The following AATF variants were observed in gnomAD, a reference collection of about 807,000 sequenced individuals.
AATF encodes apoptosis antagonizing transcription factor.
In AATF, 48 loss-of-function variants were observed where a neutral mutation model predicts 63.7. The observed-to-expected ratio is 0.75, with a 90% CI of 0.60 to 0.96. The LOEUF is 0.96. Among genes scored for constraint, AATF ranks in the 40% least tolerant of loss-of-function variants. AATF has a pLI of 0.00. For synonymous variants in AATF, 258 were observed against 247.7 expected (o/e 1.04, Z -0.39); for missense variants, 639 against 685.7 (o/e 0.93, Z 0.76).
chr17:37,009,542 G>A (rs1053667365), intron 8 of AATF, among the ~76,000 whole-genome samples: 2 of 151,820 alleles, frequency 1.3e-5, no homozygotes, highest in Admixed American at 1.3e-4. Flanking sequence ...TCCAGGCCGG[G>A]CGCGGTGGCT....
chr17:36,973,060 A>G (rs2071051732), intron 4 of AATF, among the ~76,000 whole-genome samples: 2 of 152,226 alleles, frequency 1.3e-5, no homozygotes, highest in East Asian at 1.9e-4. Flanking sequence ...GTGAAAGTGC[A>G]AGATGCAAGT....
intron 10 of AATF, among the ~76,000 whole-genome samples, chr17:37,023,255 A>G (rs1350031630): frequency 6.6e-6 from 1 of 152,212 alleles, no homozygotes; most frequent in African/African-American, 2.4e-5. Context: ...AAATGAAATC[A>G]TGTGTAAATA....
At chr17:37,007,741 G>A (rs1209385497) in intron 8 of AATF, among the ~76,000 whole-genome samples, 1 of 152,172 alleles carries the variant, frequency 6.6e-6, no homozygotes, top group Non-Finnish European at 1.5e-5. Flanking sequence ...AGAGGACATG[G>A]CATTTGATCT....
intron 11 of AATF, among the ~76,000 whole-genome samples, chr17:37,032,121 C>A (rs925494964): frequency 3.3e-5 from 5 of 152,080 alleles, no homozygotes; most frequent in Admixed American, 3.3e-4. Flanking sequence ...TTTTATAAAG[C>A]TGAAACGAGA....
chr17:36,981,661 CTCTTTCT>C lies in AATF; in HGVS notation c.833-4937_833-4931del, dbSNP rs551265991. 1.8e-3 allele frequency among the ~76,000 whole-genome samples: 259 copies of C among 147,434 alleles called. 1 individual carries two copies. Among genetic ancestry groups the C allele is most frequent in the Middle Eastern group, 6.9e-3 (2 of 288 alleles). On this transcript the variant is annotated intron_variant, in intron 4 of 11. Transcript: ENST00000619387. ...TTTTTCTTCTTCTTCTTCTTTCTTC[CTCTTTCT>C]TCTTTCTTCTTTCTTCTTCTTCTTC... is the stretch of plus-strand genomic sequence containing the variant.
chr17:36,950,854 C>A (rs555325436), intron 2 of AATF, among the ~76,000 whole-genome samples: 45 of 152,288 alleles, frequency 3.0e-4, no homozygotes, highest in African/African-American at 1.1e-3. Context: ...ATGGCTCACC[C>A]TACAGTGGAG....
At chr17:36,990,733 C>G (rs1321871419) in intron 7 of AATF, 41 bp from the exon 8 acceptor site, 13 of 1,261,236 alleles carry the variant, frequency 1.0e-5, no homozygotes, top group Non-Finnish European at 1.5e-5. Context: ...GTTAGATAGC[C>G]TTGTTGGGAT....
intron 11 of AATF, among the ~76,000 whole-genome samples, chr17:37,039,146 T>C (rs1374437609): frequency 1.3e-5 from 2 of 152,222 alleles, no homozygotes; most frequent in East Asian, 1.9e-4. Flanking sequence ...CACTGAATCA[T>C]GGTGAGATAT....
intron 8 of AATF, among the ~76,000 whole-genome samples, chr17:37,004,403 T>C (rs2142267927): frequency 6.6e-6 from 1 of 152,180 alleles, no homozygotes; most frequent in East Asian, 1.9e-4. Flanking sequence ...TTTGCTGTAA[T>C]GGGAATAGAG....
intron 8 of AATF, among the ~76,000 whole-genome samples, chr17:37,001,318 AAGAG>A (rs376237278): frequency 5.4e-5 from 8 of 147,786 alleles, no homozygotes; most frequent in East Asian, 2.0e-4. Context: ...AGACCAAGAA[AAGAG>A]AGAGAGAGAG....
At chr17:36,972,413 G>T (rs114765326) in intron 4 of AATF, among the ~76,000 whole-genome samples, 2,617 of 152,284 alleles carry the variant, frequency 0.017, 81 homozygotes, top group African/African-American at 0.06. Context: ...CTTATAAATT[G>T]AAGTAGAAAA....
At position 37,036,753 on chromosome 17, in the gene AATF, C is replaced by T. The variant is rs17621169; in HGVS notation, c.1619+5068C>T. On this transcript the variant is annotated intron_variant, in intron 11 of 11. Transcript: ENST00000619387. ...TTGTTAGTGGAAATCTTATGCAACC[C>T]CTGATACTTTCTATGTGCTGGTCTA... 7.1e-3 allele frequency among the ~76,000 whole-genome samples: 1,084 copies of T among 152,070 alleles called. 5 individuals are homozygous for T. The highest frequency in any genetic ancestry group is 0.027 in the Middle Eastern group (8 of 292).
intron 4 of AATF, among the ~76,000 whole-genome samples, chr17:36,985,947 G>A (rs966169517): frequency 6.6e-6 from 1 of 152,158 alleles, no homozygotes; most frequent in Non-Finnish European, 1.5e-5. Context: ...GGAGAACCAG[G>A]TGAGAATATA....
intron 4 of AATF, among the ~76,000 whole-genome samples, chr17:36,975,022 CAG>C (rs2071069375): frequency 1.3e-5 from 2 of 152,120 alleles, no homozygotes; most frequent in South Asian, 4.1e-4. Flanking sequence ...TATTTTCTTT[CAG>C]ACAGTACTGA....
In AATF at chr17:36,952,960, G is replaced by A; in HGVS notation, c.358G>A (p.Asp120Asn). The change falls in exon 3 of 12, where the codon GAC becomes AAC. Residue 120 changes from aspartate to asparagine, a missense_variant. Physicochemically the swap from Asp to Asn is conservative, Grantham distance 23. Coordinates refer to ENST00000619387, the MANE Select transcript of AATF (RefSeq NM_012138.4). ...EGLGLEEYDE[D>N]DLGAAEEQEC... ...ACTGGGTCTGGAGGAATATGATGAG[G>A]ACGACCTGGGTGCTGCTGAGGAACA... The A allele has an allele frequency of 6.2e-7, 1 of 1,614,168 alleles. No individual in the cohort carries two copies. Among genetic ancestry groups the A allele is most frequent in the East Asian group, 2.2e-5 (1 of 44,882 alleles).
intron 4 of AATF, among the ~76,000 whole-genome samples, chr17:36,971,888 A>G (rs1029524847): frequency 6.6e-6 from 1 of 152,212 alleles, no homozygotes; most frequent in Admixed American, 6.5e-5. Context: ...TGGATTAGGA[A>G]TGGGAGAAAG....
chr17:36,972,352 T>G (rs1156414644), intron 4 of AATF, among the ~76,000 whole-genome samples: 1 of 152,244 alleles, frequency 6.6e-6, no homozygotes, highest in Non-Finnish European at 1.5e-5. Context: ...GTTTGGACAC[T>G]CAGAGATTCC....
At chr17:37,052,694 AC>A (rs1405842901) in intron 11 of AATF, 4 of 152,046 alleles carry the variant, frequency 2.6e-5, no homozygotes, top group Admixed American at 1.3e-4. Flanking sequence ...TTGTCCTTTT[AC>A]CCTCGTCCTT....
intron 3 of AATF, among the ~76,000 whole-genome samples, chr17:36,953,508 TC>T (rs1283351296): frequency 1.2e-4 from 19 of 152,198 alleles, no homozygotes; most frequent in African/African-American, 4.6e-4. Context: ...CTCTAGTACT[TC>T]CTGCAACTGG....
Sources: allele counts gnomAD v4.1 joint callset (sites outside exome capture counted in the v4.1 genomes callset), GRCh38; gene constraint gnomAD v4.1.1; transcripts MANE v1.5; gene names NCBI Gene and HGNC (gene_info 2026-07-23, HGNC 2026-07-21).